Variants in TSPAN15 observed in about 807,000 individuals in gnomAD.
The protein encoded by TSPAN15 is tetraspanin-15.
A neutral mutation model predicts 34.5 loss-of-function variants in TSPAN15; 20 were observed. The observed-to-expected ratio is 0.58, with a 90% CI of 0.41 to 0.84. The LOEUF is 0.84. TSPAN15 is among the 40% of genes least tolerant of loss of function. The probability of loss-of-function intolerance (pLI) is 0.00; values close to 1 mark genes in which losing one functional copy is unlikely to be tolerated. For synonymous variants in TSPAN15, 155 were observed against 153.9 expected, an observed-to-expected ratio of 1.01 and a Z score of -0.05; for missense variants, 313 against 386.1, an observed-to-expected ratio of 0.81 and a Z score of 1.59.
At chr10:69,493,357 C>G (rs1842007896) in intron 3 of TSPAN15, among the ~76,000 whole-genome samples, 3 of 152,184 alleles carry the variant, frequency 2.0e-5, no homozygotes, top group Admixed American at 2.0e-4. Context: ...CCTCTCTTCT[C>G]TTGGGGCTGA....
the TSPAN15 span, among the ~76,000 whole-genome samples, chr10:69,539,671 C>T: frequency 1.2e-3 from 181 of 152,166 alleles, 1 homozygote; most frequent in African/African-American, 4.1e-3. Flanking sequence ...AAGAAGTCTC[C>T]AGAAATTAGT....
chr10:69,512,218 C>T (rs1250343068), downstream of TSPAN15, among the ~76,000 whole-genome samples: 1 of 152,158 alleles, frequency 6.6e-6, no homozygotes, highest in Non-Finnish European at 1.5e-5. Context: ...CCTCTTGTCT[C>T]ACAAGGATGG....
chr10:69,476,395 A>G (rs977884626), intron 1 of TSPAN15, among the ~76,000 whole-genome samples: 2 of 152,058 alleles, frequency 1.3e-5, no homozygotes, highest in Non-Finnish European at 2.9e-5. Context: ...TGACGTTACC[A>G]AAAGTAACAA....
At chr10:69,493,014 T>C (rs1051384656) in intron 3 of TSPAN15, among the ~76,000 whole-genome samples, 1 of 152,154 alleles carries the variant, frequency 6.6e-6, no homozygotes, top group Admixed American at 6.5e-5. Flanking sequence ...CAGCCAATCA[T>C]GTCGTTCAGT....
chr10:69,482,838 A>G (rs1367811086), intron 1 of TSPAN15, among the ~76,000 whole-genome samples: 2 of 152,090 alleles, frequency 1.3e-5, no homozygotes, highest in Non-Finnish European at 2.9e-5. Flanking sequence ...GCATCTCCAG[A>G]TTGGGTCTGT....
In TSPAN15 at chr10:69,498,947, G is replaced by A. The variant is rs868227375; in HGVS notation, c.570+551G>A. Among the ~76,000 whole-genome samples the A allele has an allele frequency of 1.4e-4, 21 of 152,140 alleles. 1 individual carries two copies. Among genetic ancestry groups the A allele is most frequent in the South Asian group, 6.2e-4 (3 of 4,832 alleles). On this transcript the variant is annotated intron_variant, in intron 5 of 7. Transcript: ENST00000373290. ...GGAGGCAGGCAGGACCTGCACCTTG[G>A]GCATCTCCATTGGTCTTTGGCCTTG...
intron 1 of TSPAN15, among the ~76,000 whole-genome samples, chr10:69,480,993 CG>C (rs1439500421): frequency 1.3e-5 from 2 of 152,054 alleles, no homozygotes; most frequent in African/African-American, 4.8e-5. Context: ...CCACTGCGCC[CG>C]GCCTGGACTT....
chr10:69,520,440 T>C, the TSPAN15 span, among the ~76,000 whole-genome samples: 1 of 152,202 alleles, frequency 6.6e-6, no homozygotes, highest in Non-Finnish European at 1.5e-5. Context: ...AGCAGGTCGC[T>C]TGAGTCCAGG....
At chr10:69,505,568 T>C in intron 6 of TSPAN15, among the ~76,000 whole-genome samples, 1 of 107,854 alleles carries the variant, frequency 9.3e-6, no homozygotes, top group South Asian at 2.9e-4. Context: ...GCAGAAATGC[T>C]TTTTTTTTTT....
chr10:69,494,758 C>T, intron 3 of TSPAN15: 1 of 985,408 alleles, frequency 1.0e-6, no homozygotes, highest in Non-Finnish European at 1.2e-6. Flanking sequence ...GCCGAGAATG[C>T]CCCCTTCGTC....
At chr10:69,455,148 C>CAA (rs60463263) in intron 1 of TSPAN15, among the ~76,000 whole-genome samples, 3,578 of 82,194 alleles carry the variant, frequency 0.044, 189 homozygotes, top group African/African-American at 0.13. Flanking sequence ...GTGACAGTCT[C>CAA]AAAAAAAAAA....
intron 1 of TSPAN15, among the ~76,000 whole-genome samples, chr10:69,473,335 A>G (rs1027695390): frequency 2.6e-5 from 4 of 152,076 alleles, no homozygotes; most frequent in African/African-American, 7.2e-5. Flanking sequence ...TTTCCAGGAA[A>G]CTGTCTCCTT....
At chr10:69,483,374 T>C (rs1358947635) in intron 1 of TSPAN15, among the ~76,000 whole-genome samples, 1 of 152,084 alleles carries the variant, frequency 6.6e-6, no homozygotes, top group Non-Finnish European at 1.5e-5. Context: ...CCTCTGTGAG[T>C]GTCTGTGTCA....
chr10:69,465,661 TA>T (rs1355532473), intron 1 of TSPAN15, among the ~76,000 whole-genome samples: 1 of 150,782 alleles, frequency 6.6e-6, no homozygotes, highest in Admixed American at 6.6e-5. Context: ...GAGAGTTAGG[TA>T]ACTCACTCGT....
intron 1 of TSPAN15, among the ~76,000 whole-genome samples, chr10:69,462,528 G>A (rs1841292136): frequency 6.6e-6 from 1 of 151,016 alleles, no homozygotes; most frequent in African/African-American, 2.4e-5. Flanking sequence ...GTAGAGACAG[G>A]GTTTCACCAT....
At chr10:69,480,433 G>T (rs1481139108) in intron 1 of TSPAN15, among the ~76,000 whole-genome samples, 1 of 152,190 alleles carries the variant, frequency 6.6e-6, no homozygotes, top group African/African-American at 2.4e-5. Context: ...TTCCACGACA[G>T]GGTGAGAATT....
At chr10:69,525,650 G>A in the TSPAN15 span, among the ~76,000 whole-genome samples, 3,505 of 146,092 alleles carry the variant, frequency 0.024, 322 homozygotes, top group African/African-American at 0.08. Flanking sequence ...GGGAAACCCC[G>A]TCTCTACTAA....
At chr10:69,493,209 C>G (rs188273300) in intron 3 of TSPAN15, among the ~76,000 whole-genome samples, 87 of 152,298 alleles carry the variant, frequency 5.7e-4, no homozygotes, top group African/African-American at 1.9e-3. Flanking sequence ...GGCCTGGGGC[C>G]AAGAGAGTCC....
the TSPAN15 span, among the ~76,000 whole-genome samples, chr10:69,539,482 G>GAAGA: frequency 4.9e-4 from 33 of 67,040 alleles, no homozygotes; most frequent in East Asian, 8.8e-4. Flanking sequence ...GAAGGAGAAG[G>GAAGA]AGAAGAAGAA....
Sources: gnomAD v4.1 joint callset for allele counts (sites outside exome capture counted in the v4.1 genomes callset) on GRCh38, gnomAD v4.1.1 for gene constraint, MANE v1.5 for transcripts, NCBI Gene and HGNC (gene_info 2026-07-23, HGNC 2026-07-21) for gene names.